The following CARD8 variants were observed in gnomAD, a reference collection of about 807,000 sequenced individuals.
The protein encoded by CARD8 is caspase recruitment domain family member 8.
CARD8 carries 38 observed loss-of-function variants against 53.2 expected under a neutral mutation model. The observed-to-expected ratio is 0.71, with a 90% confidence interval of 0.55 to 0.94. The LOEUF (loss-of-function observed/expected upper bound fraction) is 0.94, where lower values mean the gene tolerates loss of function less well. Among genes scored for constraint, CARD8 ranks in the 40% least tolerant of loss-of-function variants. The probability of loss-of-function intolerance (pLI) is 0.00; values close to 1 mark genes in which losing one functional copy is unlikely to be tolerated. For synonymous variants in CARD8, 245 were observed against 244.9 expected (o/e 1.00, Z 0.00); for missense variants, 561 against 655.5 (o/e 0.86, Z 1.57).
chr19:48,234,732 T>A (rs562538462), intron 5 of CARD8, among the ~76,000 whole-genome samples, 189 bp from the exon 6 acceptor site: 4 of 152,350 alleles, frequency 2.6e-5, no homozygotes, highest in African/African-American at 9.6e-5. Context: ...CATCTCATTA[T>A]GTTAAATTTA....
chr19:48,222,500 C>T (rs2040853984), intron 10 of CARD8, among the ~76,000 whole-genome samples: 1 of 152,106 alleles, frequency 6.6e-6, no homozygotes, highest in Admixed American at 6.6e-5. Context: ...ACCAGCGTGG[C>T]CAGCATGGCG....
rs2041173644 is a variant in CARD8 at position 48,223,764 on chromosome 19, T to C, written c.1036-1909A>G. On this transcript the variant is annotated intron_variant, in intron 10 of 13. Transcript: ENST00000651546. ...CCTTCTTTATTTGTTATAGTTCTTATCATATGCACATATATTTTTCCTATA... is the reference window on the plus strand; with the variant it reads ...CCTTCTTTATTTGTTATAGTTCTTACCATATGCACATATATTTTTCCTATA... The C allele has an allele frequency of 9.0e-5, 40 of 446,862 alleles. 1 individual carries two copies. The highest frequency in any genetic ancestry group is 6.1e-4 in the South Asian group (38 of 62,628). The allele number at this position is 446,862 out of a possible 1,614,324, so 27.7% of individuals were successfully genotyped here.
chr19:48,232,602 A>AGCCGCTACCCG, intron 6 of CARD8, 109 bp from the exon 7 acceptor site: 2 of 905,302 alleles, frequency 2.2e-6, no homozygotes, highest in Non-Finnish European at 3.5e-6. Flanking sequence ...CCCGTAGAGT[A>AGCCGCTACCCG]GCCGCTACCC....
Position 48,211,560 on chromosome 19 carries a change from C to T in CARD8, c.*150G>A, listed in dbSNP as rs2037969664. ...GAGGATACAGTCAATAGGTACATGC[C>T]AGGTTACAAGTCTGTCCTGAAAGCC... On this transcript the variant is annotated 3_prime_UTR_variant, in exon 14 of 14. Coordinates refer to ENST00000651546, the MANE Select transcript of CARD8 (RefSeq NM_001184900.3). 1 of 698,748 alleles carries T rather than the reference C, an allele frequency of 1.4e-6. No homozygotes were observed. Among genetic ancestry groups the T allele is most frequent in the South Asian group, 1.9e-5 (1 of 53,998 alleles). 43.3% of individuals were successfully genotyped at this position (698,748 alleles called of 1,614,324 possible). A position where few individuals can be genotyped will look rare whatever the true frequency, so the allele number is the denominator to read the frequency against.
chr19:48,214,600 C>T (rs993449146), intron 13 of CARD8, among the ~76,000 whole-genome samples: 2 of 152,028 alleles, frequency 1.3e-5, no homozygotes, highest in African/African-American at 2.4e-5. Flanking sequence ...TGCAGGCGAC[C>T]AGCCCACCCC....
rs561795162 is a variant in CARD8, at chr19:48,248,512, G to A, written c.-44+1011C>T. 3.3e-5 allele frequency among the ~76,000 whole-genome samples: 5 copies of A among 152,268 alleles called. No individual in the cohort carries two copies. In the South Asian group the frequency reaches 6.2e-4, roughly 19 times the overall value. ...ATGTTAAAATTCACTAGTAATCAGG[G>A]GAATGTGCATGACAACCACTATCAG... On this transcript the variant is annotated intron_variant, in intron 3 of 13. Coordinates refer to ENST00000651546, the MANE Select transcript of CARD8 (RefSeq NM_001184900.3).
intron 7 of CARD8, chr19:48,232,130 G>T: frequency 1.8e-6 from 1 of 548,500 alleles, no homozygotes; most frequent in Non-Finnish European, 3.3e-6. Context: ...AATAGCAGAA[G>T]ACACTTTCTG....
chr19:48,203,715 TA>T (rs11416928), downstream of CARD8: 52 of 157,216 alleles, frequency 3.3e-4, no homozygotes, highest in South Asian at 1.3e-3. Flanking sequence ...AGCTTTGAGT[TA>T]AAAAAAAAGA....
In CARD8 at chr19:48,247,756, G is replaced by GTATA. The variant is rs557750959; in HGVS notation, c.-44+1763_-44+1766dup. 3.1e-3 allele frequency among the ~76,000 whole-genome samples: 448 copies of GTATA among 143,418 alleles called. 1 individual carries two copies. Among genetic ancestry groups the GTATA allele is most frequent in the African/African-American group, 4.0e-3 (157 of 39,142 alleles). The allele number at this position is 143,418 out of a possible 152,430, so 94.1% of individuals were successfully genotyped here. The stretch of plus-strand genomic sequence containing the variant: ...TATACTTTCATGACACTATGTTATT[G>GTATA]TATATATATATATATATATATACAC... On this transcript the variant is annotated intron_variant, in intron 3 of 13. Coordinates refer to ENST00000651546, the MANE Select transcript of CARD8 (RefSeq NM_001184900.3).
chr19:48,217,549 C>T (rs924510102), intron 12 of CARD8, among the ~76,000 whole-genome samples: 1 of 152,122 alleles, frequency 6.6e-6, no homozygotes, highest in Non-Finnish European at 1.5e-5. Context: ...GTTCAAGAGA[C>T]TTGTTTTAAA....
rs35050640 is a variant in CARD8, at chr19:48,226,053, C to CAAAA, written c.1036-4202_1036-4199dup. 1.8e-3 allele frequency among the ~76,000 whole-genome samples: 143 copies of CAAAA among 78,460 alleles called. 6 individuals carry two copies. Among genetic ancestry groups the CAAAA allele is most frequent in the African/African-American group, 6.5e-3 (130 of 20,056 alleles). 51.5% of individuals were successfully genotyped at this position (78,460 alleles called of 152,430 possible). Reference sequence around the variant, plus strand: ...TGGGGGACACAGCAAGACTCCGTCTCAAAAAAAAAAAAAAAAAAAGCCATG... The same window carrying CAAAA: ...TGGGGGACACAGCAAGACTCCGTCTCAAAAAAAAAAAAAAAAAAAAAAAGCCATG... On this transcript the variant is annotated intron_variant, in intron 10 of 13. Coordinates refer to ENST00000651546, the MANE Select transcript of CARD8 (RefSeq NM_001184900.3).
intron 1 of CARD8, among the ~76,000 whole-genome samples, chr19:48,252,808 T>C (rs867212980): frequency 0.021 from 3,123 of 148,294 alleles, 62 homozygotes; most frequent in Non-Finnish European, 0.035. Flanking sequence ...TATCAGTATA[T>C]ACACACACAC....
intron 1 of CARD8, among the ~76,000 whole-genome samples, chr19:48,254,429 T>C (rs2047323207): frequency 6.6e-6 from 1 of 152,060 alleles, no homozygotes; most frequent in African/African-American, 2.4e-5. Flanking sequence ...CACAATGACA[T>C]TGGAAAAAAT....
downstream of CARD8, among the ~76,000 whole-genome samples, chr19:48,206,709 G>A (rs971636722): frequency 5.4e-5 from 6 of 111,224 alleles, no homozygotes; most frequent in South Asian, 3.1e-4. Context: ...AGCCCACTCC[G>A]ACTCTGGAGT....
intron 12 of CARD8, among the ~76,000 whole-genome samples, chr19:48,216,431 C>A (rs2009530): frequency 0.85 from 129,313 of 152,158 alleles, 55,263 homozygotes; most frequent in South Asian, 0.91. Flanking sequence ...GACATTTTAC[C>A]GACTGGAGGG....
chr19:48,219,769 A>AG (rs2145657018), intron 11 of CARD8, among the ~76,000 whole-genome samples: 1 of 152,230 alleles, frequency 6.6e-6, no homozygotes, highest in East Asian at 1.9e-4. Context: ...CAGGAGCTCA[A>AG]GACCAGCCTG....
intron 10 of CARD8, among the ~76,000 whole-genome samples, chr19:48,230,232 A>G (rs1187355960): frequency 6.6e-6 from 1 of 152,196 alleles, no homozygotes; most frequent in Non-Finnish European, 1.5e-5. Context: ...CTTTTTCAGT[A>G]GCACTGAATC....
intron 3 of CARD8, among the ~76,000 whole-genome samples, chr19:48,248,561 G>A (rs1161553404): frequency 6.6e-6 from 1 of 152,176 alleles, no homozygotes; most frequent in Non-Finnish European, 1.5e-5. Context: ...CCACAATACT[G>A]ATGGAAATAA....
intron 13 of CARD8, among the ~76,000 whole-genome samples, chr19:48,214,380 A>T (rs1199238498): frequency 3.9e-5 from 6 of 152,178 alleles, no homozygotes; most frequent in Non-Finnish European, 7.4e-5. Context: ...CAGAGAGAAA[A>T]CACCTGAAAC....
Sources: allele counts gnomAD v4.1 joint callset (sites outside exome capture counted in the v4.1 genomes callset), GRCh38; gene constraint gnomAD v4.1.1; transcripts MANE v1.5; gene names NCBI Gene and HGNC (gene_info 2026-07-23, HGNC 2026-07-21).